Variants in CMC2 observed in about 807,000 individuals in gnomAD.
The protein encoded by CMC2 is C-X9-C motif containing 2, also known as COX assembly mitochondrial protein 2 homolog.
A neutral mutation model predicts 7.5 loss-of-function variants in CMC2; 5 were observed. The observed-to-expected ratio is 0.66, with a 90% CI of 0.35 to 1.40. The LOEUF (loss-of-function observed/expected upper bound fraction) is 1.40, where lower values mean the gene tolerates loss of function less well. CMC2 is among the 40% of genes most tolerant of loss of function. The pLI is 0.04. For missense variants in CMC2, 115 were observed against 92.3 expected, an observed-to-expected ratio of 1.25 and a Z score of -1.01; for synonymous variants, 37 against 31.4, an observed-to-expected ratio of 1.18 and a Z score of -0.60.
At chr16:80,979,058 G>A (rs1966896673) in intron 3 of CMC2, among the ~76,000 whole-genome samples, 1 of 151,840 alleles carries the variant, frequency 6.6e-6, no homozygotes, top group African/African-American at 2.4e-5. Flanking sequence ...TCCAGCCTGG[G>A]TGACAGAGTG....
rs536099142 is a variant in CMC2, at chr16:80,972,449, G to A, written c.*3644C>T. 5 of 152,182 alleles carry A rather than the reference G, an allele frequency of 3.3e-5. No individual in the cohort carries two copies. Among genetic ancestry groups the A allele is most frequent in the East Asian group, 3.9e-4 (2 of 5,172 alleles). The allele number at this position is 152,182 out of a possible 1,614,324, so 9.4% of individuals were successfully genotyped here. On this transcript the variant is annotated 3_prime_UTR_variant, in exon 4 of 4. Transcript: ENST00000219400. ...AATGGCATAATTTGGTTCAGCCCAA[G>A]CCCTTTCTATAGAAAACTAATTGTG... is the stretch of plus-strand genomic sequence containing the variant.
chr16:80,993,021 A>C (rs2151638545), intron 2 of CMC2, among the ~76,000 whole-genome samples: 1 of 152,228 alleles, frequency 6.6e-6, no homozygotes, highest in Non-Finnish European at 1.5e-5. Context: ...ATAAGAATTT[A>C]TCCAGGTTTC....
chr16:80,976,254 A>T, intron 3 of CMC2, 75 bp from the exon 4 acceptor site: 1 of 757,246 alleles, frequency 1.3e-6, no homozygotes, highest in East Asian at 2.8e-5. Flanking sequence ...ACTATTTAGA[A>T]ATATTTGCAA....
chr16:80,998,524 G>A (rs1019755302), intron 1 of CMC2: 4 of 152,038 alleles, frequency 2.6e-5, no homozygotes, highest in Non-Finnish European at 4.4e-5. Context: ...TTCCACTTCC[G>A]GCTATATTTT....
chr16:81,006,188 T>C (rs1313481648), intron 1 of CMC2, among the ~76,000 whole-genome samples: 4 of 151,060 alleles, frequency 2.6e-5, no homozygotes, highest in African/African-American at 9.8e-5. Context: ...ATTACTTTCC[T>C]GGAAAAAAAA....
At chr16:80,988,326 T>C (rs1484830938) in intron 2 of CMC2, among the ~76,000 whole-genome samples, 2 of 152,202 alleles carry the variant, frequency 1.3e-5, no homozygotes, top group African/African-American at 2.4e-5. Flanking sequence ...AGTGACATCA[T>C]AGCTCACTAT....
intron 1 of CMC2, chr16:80,998,712 G>A (rs2602437): frequency 0.63 from 95,750 of 151,960 alleles, 31,669 homozygotes; most frequent in South Asian, 0.79. Flanking sequence ...GGAAATTCTG[G>A]CATATGCTAC....
In CMC2 at chr16:80,970,403, G is replaced by A. The variant is rs536909582; in HGVS notation, c.*5690C>T. 5 of 152,292 alleles carry A rather than the reference G, an allele frequency of 3.3e-5. No individual in the cohort carries two copies. The highest frequency in any genetic ancestry group is 1.2e-4 in the African/African-American group (5 of 41,544). The allele number at this position is 152,292 out of a possible 1,614,324, so 9.4% of individuals were successfully genotyped here. ...ATATGGGAAGGCACACTAGAAGGAGGTGCAGTAGAGGTTGAGCAAGTCTAT... is the reference window on the plus strand; with the variant it reads ...ATATGGGAAGGCACACTAGAAGGAGATGCAGTAGAGGTTGAGCAAGTCTAT... On this transcript the variant is annotated 3_prime_UTR_variant, in exon 4 of 4. Coordinates refer to ENST00000219400, the MANE Select transcript of CMC2 (RefSeq NM_020188.5).
chr16:81,002,410 G>A (rs1416581424), intron 1 of CMC2, among the ~76,000 whole-genome samples: 7 of 152,142 alleles, frequency 4.6e-5, no homozygotes, highest in South Asian at 2.1e-4. Flanking sequence ...GGGTAACAGC[G>A]CAAGTCTCCA....
intron 2 of CMC2, chr16:80,991,892 T>C (rs1057272981): frequency 1.5e-5 from 7 of 452,614 alleles, no homozygotes; most frequent in Admixed American, 9.5e-5. Flanking sequence ...ACAAAGAAAA[T>C]GTCACAGATA....
intron 2 of CMC2, among the ~76,000 whole-genome samples, chr16:80,995,150 A>C (rs1968308193): frequency 6.6e-6 from 1 of 152,144 alleles, no homozygotes; most frequent in Non-Finnish European, 1.5e-5. Context: ...TGTCTCAAAA[A>C]CAAATGACTT....
At chr16:80,986,628 T>C (rs561839879) in intron 2 of CMC2, among the ~76,000 whole-genome samples, 87 of 152,308 alleles carry the variant, frequency 5.7e-4, no homozygotes, top group Non-Finnish European at 9.6e-4. Flanking sequence ...GCAGTGGCAC[T>C]GGCAAAGGAG....
At chr16:81,004,693 A>T (rs1425064524) in intron 1 of CMC2, among the ~76,000 whole-genome samples, 1 of 152,216 alleles carries the variant, frequency 6.6e-6, no homozygotes, top group Admixed American at 6.5e-5. Context: ...GGAGGGTAGA[A>T]GCGGTAGGGT....
In CMC2 at chr16:80,967,080, T is replaced by C. The variant is rs899768330; in HGVS notation, c.*9013A>G. 7.2e-5 allele frequency: 11 copies of C among 152,342 alleles called. No homozygotes were observed. In the South Asian group the frequency reaches 2.3e-3, roughly 32 times the overall value. 9.4% of individuals were successfully genotyped at this position (152,342 alleles called of 1,614,324 possible). A position where few individuals can be genotyped will look rare whatever the true frequency, so the allele number is the denominator to read the frequency against. ...CATTCATTCAGTGAAAAAGCATTTA[T>C]TGAATACCAATTATGTGTTAACCAC... On this transcript the variant is annotated 3_prime_UTR_variant, in exon 4 of 4. Transcript: ENST00000219400.
chr16:80,981,010 C>A (rs112803874), intron 3 of CMC2: 3 of 371,256 alleles, frequency 8.1e-6, no homozygotes, highest in Non-Finnish European at 4.8e-6. Flanking sequence ...ACAGCCTAAG[C>A]AGAAAACAAA....
rs1340358396 is a variant in CMC2 at position 80,968,951 on chromosome 16, G to A, written c.*7142C>T. ...AGAATATCACATAAAGCCAGGAGAT[G>A]GTAATCCTCTAAGAAAACATTAACT... On this transcript the variant is annotated 3_prime_UTR_variant, in exon 4 of 4. Coordinates refer to ENST00000219400, the MANE Select transcript of CMC2 (RefSeq NM_020188.5). 6.6e-6 allele frequency: 1 copy of A among 152,184 alleles called. No homozygotes were observed. The highest frequency in any genetic ancestry group is 1.5e-5 in the Non-Finnish European group (1 of 68,040). 9.4% of individuals were successfully genotyped at this position (152,184 alleles called of 1,614,324 possible).
chr16:80,968,256 G>C lies in CMC2; in HGVS notation c.*7837C>G, dbSNP rs1236460024. 1 of 152,120 alleles carries C rather than the reference G, an allele frequency of 6.6e-6. No individual in the cohort carries two copies. Among genetic ancestry groups the C allele is most frequent in the African/African-American group, 2.4e-5 (1 of 41,408 alleles). The allele number at this position is 152,120 out of a possible 1,614,324, so 9.4% of individuals were successfully genotyped here. A position where few individuals can be genotyped will look rare whatever the true frequency, so the allele number is the denominator to read the frequency against. Reference sequence around the variant, plus strand: ...TTTTTTTTATTTTTATTTTTGTAGAGACAGGGTCTTACTATGTTGCCCAAG... The same window carrying C: ...TTTTTTTTATTTTTATTTTTGTAGACACAGGGTCTTACTATGTTGCCCAAG... On this transcript the variant is annotated 3_prime_UTR_variant, in exon 4 of 4. Coordinates refer to ENST00000219400, the MANE Select transcript of CMC2 (RefSeq NM_020188.5).
At chr16:80,990,140 C>T (rs2549843) in intron 2 of CMC2, among the ~76,000 whole-genome samples, 98,503 of 151,264 alleles carry the variant, frequency 0.65, 33,865 homozygotes, top group South Asian at 0.8. Context: ...TAACAAAGTT[C>T]AAACAGCATG....
At position 80,981,870 on chromosome 16, in the gene CMC2, A is replaced by G; in HGVS notation, c.89T>C (p.Ile30Thr). The G allele has an allele frequency of 6.2e-7, 1 of 1,606,348 alleles. No individual in the cohort carries two copies. Among genetic ancestry groups the G allele is most frequent in the Non-Finnish European group, 8.5e-7 (1 of 1,174,196 alleles). Residue 30 changes from isoleucine (I) to threonine (T), a missense_variant, in exon 3 of 4, where the codon ATT becomes ACT. Ile to Thr is a moderately conservative substitution (Grantham distance 89, BLOSUM62 -1). Transcript: ENST00000219400. ...LLKECHKNHN[I>T]LKFFGYCNDV... ...ATTACAATAACCAAAAAATTTCAGA[A>G]TGTTGTGCTAAAAGGAAGAAAAGGA...
Sources: allele counts gnomAD v4.1 joint callset (sites outside exome capture counted in the v4.1 genomes callset), GRCh38; gene constraint gnomAD v4.1.1; transcripts MANE v1.5; gene names NCBI Gene and HGNC (gene_info 2026-07-23, HGNC 2026-07-21).